Variants in ILKAP observed in about 807,000 individuals in gnomAD.
The protein encoded by ILKAP is ILK associated serine/threonine phosphatase, also known as integrin-linked kinase-associated serine/threonine phosphatase 2C.
In ILKAP, 11 loss-of-function variants were observed where a neutral mutation model predicts 49.1. The observed-to-expected ratio is 0.22, with a 90% CI of 0.14 to 0.37. ILKAP has a LOEUF of 0.37. ILKAP is among the 10% of genes least tolerant of loss of function. The pLI, the probability that ILKAP is intolerant of heterozygous loss-of-function variation, is 1.00. For missense variants in ILKAP, 363 were observed against 510.8 expected (o/e 0.71, Z 2.79); for synonymous variants, 186 against 192.8 (o/e 0.96, Z 0.29).
At chr2:238,174,331 G>A (rs1693353776) in intron 9 of ILKAP, among the ~76,000 whole-genome samples, 1 of 152,128 alleles carries the variant, frequency 6.6e-6, no homozygotes, top group African/African-American at 2.4e-5. Flanking sequence ...AACCATTTGG[G>A]GAAGCCTACT....
intron 10 of ILKAP, among the ~76,000 whole-genome samples, chr2:238,172,031 TTTTC>T (rs1268995392): frequency 2.0e-5 from 3 of 152,070 alleles, no homozygotes; most frequent in Non-Finnish European, 4.4e-5. Context: ...TTGTGTTTTT[TTTTC>T]TTTGTTTTTT....
chr2:238,202,876 C>A (rs549848071), intron 1 of ILKAP, among the ~76,000 whole-genome samples: 41 of 146,946 alleles, frequency 2.8e-4, no homozygotes, highest in African/African-American at 9.5e-4. Flanking sequence ...GGGGGAACTT[C>A]CCGTGGACCA....
At chr2:238,179,251 C>A (rs1279504899) in intron 9 of ILKAP, among the ~76,000 whole-genome samples, 6 of 152,152 alleles carry the variant, frequency 3.9e-5, no homozygotes, top group African/African-American at 1.4e-4. Flanking sequence ...TCAGTTGGCA[C>A]ACAGTGATTC....
At chr2:238,200,620 G>C (rs896726837) in intron 1 of ILKAP, among the ~76,000 whole-genome samples, 2 of 152,142 alleles carry the variant, frequency 1.3e-5, no homozygotes, top group African/African-American at 4.8e-5. Context: ...CCAGGAGTTC[G>C]AGAGCAGCCT....
intron 2 of ILKAP, chr2:238,194,548 T>G: frequency 1.6e-6 from 1 of 608,932 alleles, no homozygotes; most frequent in Non-Finnish European, 2.9e-6. Context: ...AAAGTTAAAT[T>G]GTACTTCAGG....
rs146309754 is a variant in ILKAP at position 238,171,682 on chromosome 2, A to T, written c.957-658T>A. On this transcript the variant is annotated intron_variant, in intron 10 of 11. Coordinates refer to ENST00000254654, the MANE Select transcript of ILKAP (RefSeq NM_030768.3). Reference sequence around the variant, plus strand: ...TGGGTGTTATGGTAAATATACAAGAATTTATAACACCATAGGCCTTACACC... The same window carrying T: ...TGGGTGTTATGGTAAATATACAAGATTTTATAACACCATAGGCCTTACACC... Among the ~76,000 whole-genome samples, 140 of 152,340 alleles carry T rather than the reference A, an allele frequency of 9.2e-4. 1 individual carries two copies. The highest frequency in any genetic ancestry group is 6.4e-3 in the South Asian group (31 of 4,832).
chr2:238,178,402 T>G (rs1693555551), intron 9 of ILKAP, among the ~76,000 whole-genome samples: 1 of 152,204 alleles, frequency 6.6e-6, no homozygotes, highest in Admixed American at 6.5e-5. Flanking sequence ...TTGCCCAGGC[T>G]TCTCTCAAAC....
rs1341468219 is a variant in ILKAP at position 238,185,242 on chromosome 2, A to G, written c.471T>C (p.Ile157=). 6.2e-7 allele frequency: 1 copy of G among 1,613,782 alleles called. No individual in the cohort carries two copies. Among genetic ancestry groups the G allele is most frequent in the Non-Finnish European group, 8.5e-7 (1 of 1,179,762 alleles). Reference sequence around the variant, plus strand: ...TCTGTGCAGCAAATTTTGAGGCTCGAATTCCTCCATGTCCATCAAAAACAG... The same window carrying G: ...TCTGTGCAGCAAATTTTGAGGCTCGGATTCCTCCATGTCCATCAAAAACAG... ...YFAVFDGHGG[I]RASKFAAQNL... The change falls in exon 6 of 12, where the codon ATT becomes ATC. Residue 157 remains isoleucine, a synonymous_variant. Transcript: ENST00000254654.
intron 8 of ILKAP, 132 bp from the exon 9 acceptor site, chr2:238,182,318 G>T: frequency 9.6e-7 from 1 of 1,043,336 alleles, no homozygotes; most frequent in Non-Finnish European, 1.4e-6. Context: ...TCAGCCTCCT[G>T]CTGATAAACG....
At chr2:238,197,639 G>T (rs76111711) in intron 1 of ILKAP, among the ~76,000 whole-genome samples, 1 of 152,034 alleles carries the variant, frequency 6.6e-6, no homozygotes, top group Non-Finnish European at 1.5e-5. Context: ...TAGCCTGGCC[G>T]CCTCTCCTCT....
At chr2:238,189,269 G>A (rs1314978725) in intron 4 of ILKAP, among the ~76,000 whole-genome samples, 3 of 151,672 alleles carry the variant, frequency 2.0e-5, no homozygotes, top group African/African-American at 7.3e-5. Flanking sequence ...GAGCCGAGAT[G>A]GTGCCACTCC....
intron 9 of ILKAP, among the ~76,000 whole-genome samples, chr2:238,178,311 G>A (rs149552660): frequency 1.3e-5 from 2 of 152,270 alleles, no homozygotes; most frequent in East Asian, 3.9e-4. Context: ...CCACCCGAGT[G>A]GCTGGGACCA....
At chr2:238,186,835 G>A (rs1012217391) in intron 5 of ILKAP, 6 of 152,074 alleles carry the variant, frequency 3.9e-5, no homozygotes, top group African/African-American at 1.4e-4. Context: ...AACCTCATCT[G>A]GTTTATAACT....
At position 238,170,979 on chromosome 2, in the gene ILKAP, T is replaced by C; in HGVS notation, c.1002A>G (p.Pro334=). The change falls in exon 11 of 12, where the codon CCA becomes CCG. Residue 334 remains proline, a synonymous_variant. Transcript: ENST00000254654. ...ACDGLFKVFT[P]EEAVNFILSC... is the part of the protein sequence containing the mutation. ...ACAAGATGAAGTTCACGGCTTCTTC[T>C]GGGGTAAAGACCTTGAAGAGCCCAT... 2 of 1,613,968 alleles carry C rather than the reference T, an allele frequency of 1.2e-6. No individual in the cohort carries two copies. Among genetic ancestry groups the C allele is most frequent in the Non-Finnish European group, 1.7e-6 (2 of 1,179,980 alleles).
intron 2 of ILKAP, 113 bp from the exon 3 acceptor site, chr2:238,194,444 G>T: frequency 1.1e-6 from 1 of 944,378 alleles, no homozygotes. Flanking sequence ...TCAAAACTTT[G>T]CGTCAATCCA....
chr2:238,188,154 C>A lies in ILKAP; in HGVS notation c.402G>T (p.Glu134Asp). The A allele has an allele frequency of 2.5e-6, 4 of 1,614,196 alleles. No homozygotes were observed. In the South Asian group the frequency reaches 4.4e-5, roughly 18 times the overall value. Residue 134 changes from glutamate to aspartate, a missense_variant, in exon 5 of 12, where the codon GAG becomes GAT. Around this residue, in one of 3 missense-constraint regions of ILKAP, gnomAD observed 166 missense variants for 307.3 expected, o/e 0.54. Transcript: ENST00000254654. ...AHVILNDITE[E>D]CRPPSSLITR... ...ACATGAGGGACGATGGGGGCCTACA[C>A]TCCTCGGTGATGTCGTTCAGGATGA...
intron 6 of ILKAP, 59 bp downstream of exon 6, chr2:238,185,122 C>G: frequency 9.4e-7 from 1 of 1,068,944 alleles, no homozygotes; most frequent in Admixed American, 1.8e-5. Flanking sequence ...CTGCTTCACA[C>G]AGCCAACCAA....
intron 9 of ILKAP, among the ~76,000 whole-genome samples, chr2:238,176,671 AGAGAGAGAGACT>A (rs993285060): frequency 7.9e-5 from 12 of 152,324 alleles, no homozygotes; most frequent in Admixed American, 3.3e-4. Flanking sequence ...CTCCAGAGAG[AGAGAGAGAGACT>A]GGGTGAGACT....
chr2:238,196,067 T>A (rs1574807536), intron 1 of ILKAP, among the ~76,000 whole-genome samples: 1 of 100,310 alleles, frequency 1.0e-5, no homozygotes, highest in Admixed American at 9.9e-5. Flanking sequence ...AAAAAAGTAC[T>A]CACTTAAAAA....
Sources: allele counts gnomAD v4.1 joint callset (sites outside exome capture counted in the v4.1 genomes callset), GRCh38; gene constraint gnomAD v4.1.1; regional missense constraint gnomAD v4.1.1; transcripts MANE v1.5; gene names NCBI Gene and HGNC (gene_info 2026-07-23, HGNC 2026-07-21).